PAX2: variants seen among roughly 807,000 people sequenced by gnomAD.
PAX2 encodes the protein paired box 2.
PAX2 carries 9 observed loss-of-function variants against 41.7 expected under a neutral mutation model. The observed-to-expected ratio is 0.22, with a 90% CI of 0.13 to 0.38. The LOEUF is 0.38. Ranked by LOEUF, PAX2 falls within the 10% of genes least tolerant of loss-of-function variation. The pLI is 1.00. For synonymous variants in PAX2, 221 were observed against 212.7 expected, an observed-to-expected ratio of 1.04 and a Z score of -0.34; for missense variants, 418 against 531.6, an observed-to-expected ratio of 0.79 and a Z score of 2.10.
At chr10:100,802,466 G>T (rs777288610) in intron 5 of PAX2, among the ~76,000 whole-genome samples, 1 of 152,208 alleles carries the variant, frequency 6.6e-6, no homozygotes, top group Non-Finnish European at 1.5e-5. Context: ...AGGCCTGTGC[G>T]TCAGAGCTGA....
chr10:100,802,806 G>T (rs1020330419), intron 5 of PAX2, among the ~76,000 whole-genome samples: 7 of 152,072 alleles, frequency 4.6e-5, no homozygotes, highest in African/African-American at 1.7e-4. Context: ...TCACTCACGC[G>T]CTCTCCTTCC....
At chr10:100,739,053 C>CACACACACA (rs1844864398) in intron 1 of PAX2, among the ~76,000 whole-genome samples, 1 of 86,964 alleles carries the variant, frequency 1.1e-5, no homozygotes, top group Non-Finnish European at 2.7e-5. Flanking sequence ...ACACACACGG[C>CACACACACA]CCCCATAGCC....
Position 100,746,168 on chromosome 10 carries a change from A to T in PAX2, c.-93A>T, listed in dbSNP as rs1275296508. ...GGCGTTCACTCATCCTCCCTCCCCC[A>T]CCGTCCCTCCCTTTTCTCCTCAAGT... On this transcript the variant is annotated 5_prime_UTR_variant, in exon 1 of 10. Coordinates refer to ENST00000355243, the MANE Select transcript of PAX2 (RefSeq NM_000278.5). 1.7e-6 allele frequency: 2 copies of T among 1,191,294 alleles called. No homozygotes were observed. The highest frequency in any genetic ancestry group is 8.6e-5 in the East Asian group (2 of 23,312). The allele number at this position is 1,191,294 out of a possible 1,614,324, so 73.8% of individuals were successfully genotyped here. A position where few individuals can be genotyped will look rare whatever the true frequency, so the allele number is the denominator to read the frequency against.
chr10:100,826,871 C>T lies in PAX2; in HGVS notation c.1022-138C>T. 1.5e-6 allele frequency: 1 copy of T among 670,522 alleles called. No individual in the cohort carries two copies. Among genetic ancestry groups the T allele is most frequent in the Non-Finnish European group, 2.7e-6 (1 of 373,366 alleles). The allele number at this position is 670,522 out of a possible 1,614,324, so 41.5% of individuals were successfully genotyped here. On this transcript the variant is annotated intron_variant, in intron 8 of 9. Coordinates refer to ENST00000355243, the MANE Select transcript of PAX2 (RefSeq NM_000278.5). This position sits in a 1 kb window ranked among gnomAD's most constrained non-coding sequence, Gnocchi z 5.5. Reference sequence around the variant, plus strand: ...TCGCCCCACCTCCGCCCGGCCCGCCCGCCACGGCCATTACCCTGCCCGCGA... The same window carrying T: ...TCGCCCCACCTCCGCCCGGCCCGCCTGCCACGGCCATTACCCTGCCCGCGA...
intron 1 of PAX2, chr10:100,749,001 T>G: frequency 1.0e-6 from 1 of 985,454 alleles, no homozygotes; most frequent in Non-Finnish European, 1.2e-6. Context: ...TCTGCCTCCC[T>G]GTCTCTGAGC....
At chr10:100,802,136 G>C (rs1196315726) in intron 5 of PAX2, among the ~76,000 whole-genome samples, 1 of 152,124 alleles carries the variant, frequency 6.6e-6, no homozygotes, top group Non-Finnish European at 1.5e-5. Context: ...TGCTCTGTTT[G>C]GTCTTATTAA....
chr10:100,745,739 C>G lies in PAX2; in HGVS notation c.-522C>G, dbSNP rs556507478. On this transcript the variant is annotated 5_prime_UTR_variant, in exon 1 of 10. Transcript: ENST00000355243. ...GGGCCTGGCCCGCGCGCTCCCCTCCCGCAGGCGCCACCTCGGACATCCCCG... is the reference window on the plus strand; with the variant it reads ...GGGCCTGGCCCGCGCGCTCCCCTCCGGCAGGCGCCACCTCGGACATCCCCG... The G allele has an allele frequency of 2.2e-5, 23 of 1,041,320 alleles. No homozygotes were observed. The African/African-American group carries it at 3.7e-4, about 17-fold the overall frequency. 64.5% of individuals were successfully genotyped at this position (1,041,320 alleles called of 1,614,324 possible). A position where few individuals can be genotyped will look rare whatever the true frequency, so the allele number is the denominator to read the frequency against.
In PAX2 at chr10:100,827,662, C is replaced by T; in HGVS notation, c.*43C>T. On this transcript the variant is annotated 3_prime_UTR_variant, in exon 10 of 10. Transcript: ENST00000355243. This position sits in a 1 kb window ranked among gnomAD's most constrained non-coding sequence, Gnocchi z 8.5. ...TCAAGCTTCAGGCCGACAGCTTCGG[C>T]CTCCACATCGTCCCCGTCTGACCCC... is the stretch of plus-strand genomic sequence containing the variant. 6.2e-6 allele frequency: 10 copies of T among 1,613,682 alleles called. No homozygotes were observed. Among genetic ancestry groups the T allele is most frequent in the Non-Finnish European group, 7.6e-6 (9 of 1,179,892 alleles).
chr10:100,764,333 C>T (rs1308100004), intron 3 of PAX2, among the ~76,000 whole-genome samples: 3 of 151,960 alleles, frequency 2.0e-5, no homozygotes, highest in Non-Finnish European at 2.9e-5. Flanking sequence ...TTAGTAGAGA[C>T]AGGGTTTCAC....
intron 3 of PAX2, among the ~76,000 whole-genome samples, chr10:100,757,658 G>A (rs974946494): frequency 3.3e-5 from 5 of 152,232 alleles, no homozygotes; most frequent in Non-Finnish European, 5.9e-5. Context: ...GGGACACAAC[G>A]GTGGGCAGAG....
At chr10:100,735,798 A>G in intron 1 of PAX2, 1 of 962,408 alleles carries the variant, frequency 1.0e-6, no homozygotes, top group African/African-American at 1.7e-5. Context: ...GGGGGCGGCC[A>G]TGGCCGGGGC....
intron 1 of PAX2, among the ~76,000 whole-genome samples, chr10:100,740,383 G>A (rs532598581): frequency 8.3e-4 from 126 of 152,346 alleles, no homozygotes; most frequent in Non-Finnish European, 1.5e-3. Context: ...TATAGACAGA[G>A]GGAAGAACGA....
intron 7 of PAX2, among the ~76,000 whole-genome samples, chr10:100,818,888 C>T (rs1460214693): frequency 6.6e-6 from 1 of 152,158 alleles, no homozygotes; most frequent in East Asian, 1.9e-4. Context: ...CAGTTTCTGC[C>T]ATCTACTAGC....
chr10:100,755,652 C>T (rs78021439), intron 3 of PAX2, among the ~76,000 whole-genome samples: 3,278 of 152,296 alleles, frequency 0.022, 112 homozygotes, highest in African/African-American at 0.07. Context: ...TGCAATCCTA[C>T]ACCCTGAGAG....
Position 100,826,650 on chromosome 10 carries a change from C to T in PAX2, c.1022-359C>T, listed in dbSNP as rs955162578. Among the ~76,000 whole-genome samples the T allele has an allele frequency of 2.0e-5, 3 of 152,248 alleles. No individual in the cohort carries two copies. Among genetic ancestry groups the T allele is most frequent in the Non-Finnish European group, 4.4e-5 (3 of 68,036 alleles). On this transcript the variant is annotated intron_variant, in intron 8 of 9. Coordinates refer to ENST00000355243, the MANE Select transcript of PAX2 (RefSeq NM_000278.5). The surrounding 1 kb of genome is among the most constrained non-coding windows in gnomAD (Gnocchi z 5.5). ...CATTAGGGGCCATGCCTCCTAGAAC[C>T]GGAGTGGCATCTATAAAGGCCCTGG...
At chr10:100,764,136 ATTTTTTTTTTTTT>A (rs145391942) in intron 3 of PAX2, among the ~76,000 whole-genome samples, 6 of 103,750 alleles carry the variant, frequency 5.8e-5, no homozygotes, top group Admixed American at 1.1e-4. Flanking sequence ...CAAACATTGA[ATTTTTTTTTTTTT>A]TTTTTTTTTT....
intron 1 of PAX2, 172 bp from the exon 2 acceptor site, chr10:100,749,574 C>CA (rs1204753685): frequency 1.4e-6 from 2 of 1,412,384 alleles, no homozygotes; most frequent in Non-Finnish European, 1.8e-6. Context: ...TCTGTGCTTC[C>CA]AGTCCCCACT....
chr10:100,812,113 TGGC>T, intron 7 of PAX2, among the ~76,000 whole-genome samples: 1 of 152,220 alleles, frequency 6.6e-6, no homozygotes, highest in East Asian at 1.9e-4. Context: ...CAAGCAAGGG[TGGC>T]TGCCGGAGGC....
At chr10:100,771,811 CT>C (rs35627308) in intron 3 of PAX2, among the ~76,000 whole-genome samples, 29,588 of 148,434 alleles carry the variant, frequency 0.2, 3,082 homozygotes, top group Middle Eastern at 0.33. Context: ...CAAATATCTT[CT>C]TTTTTTTTTT....
Sources: allele counts gnomAD v4.1 joint callset (sites outside exome capture counted in the v4.1 genomes callset), GRCh38; gene constraint gnomAD v4.1.1; non-coding constraint Gnocchi (gnomAD v3.1); transcripts MANE v1.5; gene names NCBI Gene and HGNC (gene_info 2026-07-23, HGNC 2026-07-21).